GATB: variants seen among roughly 807,000 people sequenced by gnomAD.
GATB encodes glutamyl-tRNA(Gln) amidotransferase subunit B, mitochondrial.
Under a neutral mutation model 62.3 loss-of-function variants are expected in GATB, and 39 were observed. The ratio of observed to expected loss-of-function variants is 0.63; its 90% CI spans 0.48 to 0.82. The LOEUF (loss-of-function observed/expected upper bound fraction) is 0.82, where lower values mean the gene tolerates loss of function less well. Among genes scored for constraint, GATB ranks in the 40% least tolerant of loss-of-function variants. The pLI, the probability that GATB is intolerant of heterozygous loss-of-function variation, is 0.00. For missense variants in GATB, 670 were observed against 684.0 expected, an observed-to-expected ratio of 0.98 and a Z score of 0.23; for synonymous variants, 276 against 258.9, an observed-to-expected ratio of 1.07 and a Z score of -0.63.
chr4:151,686,112 G>C lies in GATB; in HGVS notation c.1331+2518C>G, dbSNP rs181643765. On this transcript the variant is annotated intron_variant, in intron 10 of 12. Coordinates refer to ENST00000263985, the MANE Select transcript of GATB (RefSeq NM_004564.3). ...CAGCAGATGCCACAAGAGTTCAGGA[G>C]GGTGGCAGGTGCTCTGGTATTCAGC... is the stretch of plus-strand genomic sequence containing the variant. Among the ~76,000 whole-genome samples the C allele has an allele frequency of 2.6e-5, 4 of 152,226 alleles. No homozygotes were observed. The East Asian group carries it at 7.7e-4, about 29-fold the overall frequency.
At chr4:151,671,326 T>TTACC (rs2126949270) in intron 12 of GATB, 24 bp from the exon 13 acceptor site, 2 of 1,611,122 alleles carry the variant, frequency 1.2e-6, no homozygotes, top group Non-Finnish European at 1.7e-6. Flanking sequence ...AATTACTTAC[T>TTACC]TAAGAGGAGA....
At chr4:151,738,148 C>T (rs974634296) in intron 2 of GATB, among the ~76,000 whole-genome samples, 1 of 152,132 alleles carries the variant, frequency 6.6e-6, no homozygotes, top group Non-Finnish European at 1.5e-5. Flanking sequence ...AATGCCAGCC[C>T]GTGAAAGCAA....
chr4:151,694,111 G>T (rs569645856), intron 9 of GATB, among the ~76,000 whole-genome samples: 1 of 152,292 alleles, frequency 6.6e-6, no homozygotes, highest in East Asian at 1.9e-4. Context: ...AGGAACCTGA[G>T]TTGCTCAATA....
At chr4:151,707,960 G>C in intron 6 of GATB, 28 bp downstream of exon 6, 1 of 1,384,220 alleles carries the variant, frequency 7.2e-7, no homozygotes, top group Non-Finnish European at 1.0e-6. Flanking sequence ...TAGGAAGAAG[G>C]ACACTAGGAG....
intron 3 of GATB, 198 bp from the exon 4 acceptor site, chr4:151,717,272 A>T (rs1560854949): frequency 1.7e-6 from 1 of 579,734 alleles, no homozygotes; most frequent in Non-Finnish European, 3.1e-6. Context: ...CCCTGCCATC[A>T]CCCCTTCACC....
chr4:151,683,292 T>C (rs368444785), intron 10 of GATB, among the ~76,000 whole-genome samples: 23 of 152,192 alleles, frequency 1.5e-4, no homozygotes, highest in African/African-American at 5.5e-4. Flanking sequence ...AGCTCTTCTC[T>C]TAAAAATCAA....
intron 2 of GATB, among the ~76,000 whole-genome samples, chr4:151,751,112 G>C (rs181051286): frequency 6.6e-6 from 1 of 152,254 alleles, no homozygotes; most frequent in East Asian, 1.9e-4. Flanking sequence ...GATGGATCTA[G>C]AATGTGGATG....
At chr4:151,691,493 A>G (rs1167405607) in intron 9 of GATB, among the ~76,000 whole-genome samples, 2 of 152,204 alleles carry the variant, frequency 1.3e-5, no homozygotes, top group Admixed American at 6.5e-5. Flanking sequence ...CTCAGACATT[A>G]ACAGGAACCC....
intron 9 of GATB, among the ~76,000 whole-genome samples, chr4:151,692,284 T>C (rs987747505): frequency 1.3e-5 from 2 of 152,204 alleles, no homozygotes; most frequent in African/African-American, 4.8e-5. Flanking sequence ...TGTGTGGCAC[T>C]GCCTTTGAGG....
At chr4:151,708,234 G>A in intron 5 of GATB, 133 bp from the exon 6 acceptor site, 1 of 644,624 alleles carries the variant, frequency 1.6e-6, no homozygotes, top group Non-Finnish European at 2.7e-6. Context: ...CTTCAGAGAA[G>A]GCACGGTTGG....
intron 5 of GATB, among the ~76,000 whole-genome samples, chr4:151,714,302 C>T (rs1738873615): frequency 1.3e-5 from 2 of 152,188 alleles, no homozygotes; most frequent in Admixed American, 1.3e-4. Flanking sequence ...GGGTGGCCCT[C>T]AGCTCCTAAG....
intron 7 of GATB, among the ~76,000 whole-genome samples, chr4:151,704,804 G>C (rs1264422233): frequency 7.2e-6 from 1 of 138,294 alleles, no homozygotes; most frequent in Admixed American, 7.2e-5. Flanking sequence ...GCTGGAGTGC[G>C]GTGGCAACAT....
At chr4:151,713,316 C>T (rs180693350) in intron 5 of GATB, among the ~76,000 whole-genome samples, 1 of 152,296 alleles carries the variant, frequency 6.6e-6, no homozygotes, top group Non-Finnish European at 1.5e-5. Flanking sequence ...TGAAACCACC[C>T]CGCCTTCGGC....
rs1185000629 is a variant in GATB, at chr4:151,697,977, A to ATGTG, written c.1197+3351_1197+3352insCACA. Reference sequence around the variant, plus strand: ...TGTATATATATATATATATATATATATATATATATATATATATGAAATGAA... The same window carrying ATGTG: ...TGTATATATATATATATATATATATATGTGTATATATATATATATATGAAATGAA... On this transcript the variant is annotated intron_variant, in intron 9 of 12. Coordinates refer to ENST00000263985, the MANE Select transcript of GATB (RefSeq NM_004564.3). Among the ~76,000 whole-genome samples the ATGTG allele has an allele frequency of 2.7e-4, 35 of 131,854 alleles. 2 individuals are homozygous for ATGTG. The highest frequency in any genetic ancestry group is 1.1e-3 in the African/African-American group (35 of 30,928). 86.5% of individuals were successfully genotyped at this position (131,854 alleles called of 152,430 possible). A position where few individuals can be genotyped will look rare whatever the true frequency, so the allele number is the denominator to read the frequency against.
At position 151,688,647 on chromosome 4, in the gene GATB, GTTC is replaced by G. The variant is rs1738300514; in HGVS notation, c.1311_1313del (p.Gln437_Asn438delinsHis). The G allele has an allele frequency of 6.2e-7, 1 of 1,610,038 alleles. No homozygotes were observed. Among genetic ancestry groups the G allele is most frequent in the South Asian group, 1.1e-5 (1 of 89,634 alleles). ...TCACTCACCTCTCACTGACAGCGAG[GTTC>G]TGTTGCTTTAAATAGCCCAGAAAAG... is the stretch of plus-strand genomic sequence containing the variant. On this transcript the variant is annotated inframe_deletion, in exon 10 of 13. Transcript: ENST00000263985.
chr4:151,699,264 C>T (rs1445653347), intron 9 of GATB, among the ~76,000 whole-genome samples: 2 of 151,792 alleles, frequency 1.3e-5, no homozygotes, highest in African/African-American at 4.8e-5. Flanking sequence ...TGGCGCATGC[C>T]TGGAATCCCA....
chr4:151,740,034 T>C (rs1312038032), intron 2 of GATB, among the ~76,000 whole-genome samples: 2 of 152,198 alleles, frequency 1.3e-5, no homozygotes, highest in Non-Finnish European at 2.9e-5. Flanking sequence ...AGGCAGCAAG[T>C]ACTAAAAAGC....
At chr4:151,757,147 A>G (rs1171124075) in intron 2 of GATB, among the ~76,000 whole-genome samples, 1 of 152,220 alleles carries the variant, frequency 6.6e-6, no homozygotes, top group Non-Finnish European at 1.5e-5. Flanking sequence ...ACTCTTCTCA[A>G]ATAAACAAAA....
At chr4:151,747,750 C>T (rs1739631291) in intron 2 of GATB, among the ~76,000 whole-genome samples, 1 of 152,106 alleles carries the variant, frequency 6.6e-6, no homozygotes, top group Admixed American at 6.5e-5. Flanking sequence ...CTTCAAGTGC[C>T]AACGGGAAAT....
Sources: allele counts gnomAD v4.1 joint callset (sites outside exome capture counted in the v4.1 genomes callset), GRCh38; gene constraint gnomAD v4.1.1; transcripts MANE v1.5; gene names NCBI Gene and HGNC (gene_info 2026-07-23, HGNC 2026-07-21).